The following DSE variants were observed in gnomAD, a reference collection of about 807,000 sequenced individuals.
DSE encodes dermatan sulfate epimerase.
DSE carries 36 observed loss-of-function variants against 84.4 expected under a neutral mutation model. That is an observed-to-expected ratio of 0.43 (90% CI 0.33 to 0.56). The LOEUF (loss-of-function observed/expected upper bound fraction) is 0.56, where lower values mean the gene tolerates loss of function less well. Among genes scored for constraint, DSE ranks in the 20% least tolerant of loss-of-function variants. The pLI is 0.06. For missense variants in DSE, 862 were observed against 1,169.6 expected, an observed-to-expected ratio of 0.74 and a Z score of 3.84; for synonymous variants, 410 against 430.1, an observed-to-expected ratio of 0.95 and a Z score of 0.58.
At chr6:116,260,667 T>C (rs1344235874) in intron 2 of DSE, among the ~76,000 whole-genome samples, 1 of 152,230 alleles carries the variant, frequency 6.6e-6, no homozygotes, top group African/African-American at 2.4e-5. Flanking sequence ...GTGTATGGTA[T>C]AAGGAAGGGG....
chr6:116,360,204 G>A lies in DSE; in HGVS notation c.-53-38994G>A, dbSNP rs556016775. 3.3e-5 allele frequency among the ~76,000 whole-genome samples: 5 copies of A among 152,260 alleles called. No homozygotes were observed. In the South Asian group the frequency reaches 8.3e-4, roughly 25 times the overall value. On this transcript the variant is annotated intron_variant, in intron 2 of 3. Transcript: ENST00000430252. The stretch of plus-strand genomic sequence containing the variant: ...ACACTGGGGCCTGTGGGTGACAGGG[G>A]AGGGAGAGCATCAGGAAACACAGCT...
At chr6:116,314,150 C>G (rs1223633772) in intron 2 of DSE, among the ~76,000 whole-genome samples, 1 of 151,868 alleles carries the variant, frequency 6.6e-6, no homozygotes, top group Non-Finnish European at 1.5e-5. Context: ...TTTTGCTTTT[C>G]TGGTCCATGT....
chr6:116,296,095 A>T (rs560358635), intron 2 of DSE, among the ~76,000 whole-genome samples: 1 of 152,142 alleles, frequency 6.6e-6, no homozygotes, highest in African/African-American at 2.4e-5. Flanking sequence ...CTTGGTATCC[A>T]GGGGAATTGG....
intron 1 of DSE, among the ~76,000 whole-genome samples, chr6:116,375,086 C>G (rs928104766): frequency 6.6e-6 from 1 of 152,024 alleles, no homozygotes; most frequent in African/African-American, 2.4e-5. Context: ...AAGTTGGTGC[C>G]CAACATGGCA....
At chr6:116,371,236 C>T in intron 1 of DSE, 115 bp downstream of exon 1, 2 of 980,036 alleles carry the variant, frequency 2.0e-6, no homozygotes, top group Non-Finnish European at 2.4e-6. Flanking sequence ...CGGAGAGCCA[C>T]GTCCCCGGCT....
chr6:116,263,711 A>C (rs1233128371), intron 2 of DSE, among the ~76,000 whole-genome samples: 2 of 152,096 alleles, frequency 1.3e-5, no homozygotes, highest in Non-Finnish European at 2.9e-5. Context: ...TAATCTGTGT[A>C]CTTCAGTGTG....
At chr6:116,360,021 T>C (rs118080704) in intron 2 of DSE, among the ~76,000 whole-genome samples, 2 of 152,368 alleles carry the variant, frequency 1.3e-5, no homozygotes, top group Non-Finnish European at 2.9e-5. Flanking sequence ...CATGGAATAC[T>C]ATGCAGCTAT....
intron 2 of DSE, among the ~76,000 whole-genome samples, chr6:116,360,051 TC>T (rs1409341068): frequency 2.2e-4 from 34 of 152,230 alleles, no homozygotes; most frequent in African/African-American, 8.0e-4. Flanking sequence ...CAAGATCATG[TC>T]CTTTGCAGAG....
chr6:116,426,657 A>G lies in DSE; in HGVS notation c.500A>G (p.Asn167Ser). 6.2e-7 allele frequency: 1 copy of G among 1,614,110 alleles called. No homozygotes were observed. The highest frequency in any genetic ancestry group is 8.5e-7 in the Non-Finnish European group (1 of 1,179,972). Residue 167 changes from asparagine (N) to serine (S), a missense_variant, in exon 3 of 6, where the codon AAC becomes AGC. Transcript: ENST00000644252. ...GFATAYDFLY[N>S]YLSKTQQEKF... The stretch of plus-strand genomic sequence containing the variant: ...GCCACTGCTTATGACTTCTTGTACA[A>G]CTACCTGAGCAAGACACAACAGGAG...
At chr6:116,267,849 A>G (rs540131073) in intron 2 of DSE, among the ~76,000 whole-genome samples, 20 of 151,456 alleles carry the variant, frequency 1.3e-4, no homozygotes, top group African/African-American at 4.4e-4. Context: ...TCTAACCATG[A>G]CAAAGCTTGA....
At chr6:116,287,292 G>A (rs1013086450) in intron 2 of DSE, among the ~76,000 whole-genome samples, 2 of 152,048 alleles carry the variant, frequency 1.3e-5, no homozygotes, top group Non-Finnish European at 2.9e-5. Context: ...AGTAAATTTT[G>A]TGAATATGAA....
chr6:116,293,090 C>T (rs997071918), intron 2 of DSE, among the ~76,000 whole-genome samples: 2 of 152,010 alleles, frequency 1.3e-5, no homozygotes, highest in Non-Finnish European at 1.5e-5. Flanking sequence ...AAAGAAAACC[C>T]TCTCATACAA....
intron 1 of DSE, among the ~76,000 whole-genome samples, chr6:116,398,044 G>A (rs1370716830): frequency 6.6e-6 from 1 of 152,048 alleles, no homozygotes; most frequent in Non-Finnish European, 1.5e-5. Context: ...GTTCAGCTTG[G>A]GAGGTTGATT....
intron 1 of DSE, among the ~76,000 whole-genome samples, chr6:116,381,778 G>A (rs1780239781): frequency 6.6e-6 from 1 of 152,130 alleles, no homozygotes; most frequent in South Asian, 2.1e-4. Context: ...GAAAATTCTA[G>A]AGCTAGGACT....
Position 116,259,096 on chromosome 6 carries a change from G to C in DSE, c.-54+129G>C. On this transcript the variant is annotated intron_variant, in intron 2 of 3. Coordinates refer to the DSE transcript ENST00000430252. ...TGGGGTCTCTGCCACTGCTGGTGCT[G>C]CTGTCTCCCACTCAGTCATCGTGAG... The C allele has an allele frequency of 2.6e-6, 4 of 1,535,762 alleles. No individual in the cohort carries two copies. In the South Asian group the frequency reaches 4.6e-5, roughly 18 times the overall value.
exon 2 of DSE, chr6:116,258,817 A>G: frequency 6.2e-7 from 1 of 1,608,460 alleles, no homozygotes; most frequent in Non-Finnish European, 8.5e-7. Context: ...GAGCAGGTGT[A>G]TGACCTCGAA....
intron 2 of DSE, among the ~76,000 whole-genome samples, chr6:116,349,120 A>T (rs1231794111): frequency 6.6e-6 from 1 of 152,136 alleles, no homozygotes; most frequent in African/African-American, 2.4e-5. Context: ...AGTATAACCA[A>T]AATATATATA....
chr6:116,315,527 T>C (rs1179799507), intron 2 of DSE, among the ~76,000 whole-genome samples: 2 of 152,156 alleles, frequency 1.3e-5, no homozygotes, highest in Non-Finnish European at 2.9e-5. Context: ...GATTAAGTAA[T>C]TTATTAATGT....
rs1369213380 is a variant in DSE at position 116,433,533 on chromosome 6, G to A, written c.1101G>A (p.Leu367=). The part of the protein sequence containing the change: ...TPSKGQRWCT[L]HTEFLWYDGS... ...CCAAAGGGCAGCGCTGGTGCACTCT[G>A]CACACAGAATTTCTCTGGTATGACA... The change falls in exon 5 of 6, where the codon CTG becomes CTA. Residue 367 remains leucine, a synonymous_variant. Coordinates refer to ENST00000644252, the MANE Select transcript of DSE (RefSeq NM_013352.4). 1 of 1,583,214 alleles carries A rather than the reference G, an allele frequency of 6.3e-7. No homozygotes were observed.
Sources: allele counts gnomAD v4.1 joint callset (sites outside exome capture counted in the v4.1 genomes callset), GRCh38; gene constraint gnomAD v4.1.1; transcripts MANE v1.5; gene names NCBI Gene and HGNC (gene_info 2026-07-23, HGNC 2026-07-21).